The following NDUFV1 variants were observed in gnomAD, a reference collection of about 807,000 sequenced individuals.
NDUFV1 encodes the protein NADH dehydrogenase [ubiquinone] flavoprotein 1, mitochondrial.
Under a neutral mutation model 48.7 loss-of-function variants are expected in NDUFV1, and 41 were observed. The ratio of observed to expected loss-of-function variants is 0.84; its 90% CI spans 0.66 to 1.09. The LOEUF (loss-of-function observed/expected upper bound fraction) is 1.09. NDUFV1 is among the 50% of genes least tolerant of loss of function. The pLI, the probability that NDUFV1 is intolerant of heterozygous loss-of-function variation, is 0.00. For synonymous variants in NDUFV1, 231 were observed against 259.1 expected, an observed-to-expected ratio of 0.89 and a Z score of 1.04; for missense variants, 580 against 645.4, an observed-to-expected ratio of 0.90 and a Z score of 1.10.
Position 67,611,578 on chromosome 11 carries a change from T to G in NDUFV1, c.1080+9T>G. On this transcript the variant is annotated intron_variant, in intron 7 of 9. Coordinates refer to ENST00000322776, the MANE Select transcript of NDUFV1 (RefSeq NM_007103.4). The surrounding 1 kb of genome is among the most constrained non-coding windows in gnomAD (Gnocchi z 4.2). ...TCGTCATGGACCGCTCGGTAAGGGTTCACACACCAGCCCTGGTCCCTGCCC... is the reference window on the plus strand; with the variant it reads ...TCGTCATGGACCGCTCGGTAAGGGTGCACACACCAGCCCTGGTCCCTGCCC... 4 of 1,598,266 alleles carry G rather than the reference T, an allele frequency of 2.5e-6. No homozygotes were observed. Among genetic ancestry groups the G allele is most frequent in the Non-Finnish European group, 3.4e-6 (4 of 1,172,342 alleles).
rs764547582 is a variant in NDUFV1, at chr11:67,607,073, C to T, written c.69C>T (p.Asp23=). 24 of 1,606,152 alleles carry T rather than the reference C, an allele frequency of 1.5e-5. No individual in the cohort carries two copies. The highest frequency in any genetic ancestry group is 2.0e-5 in the Non-Finnish European group (24 of 1,178,960). Residue 23 remains aspartate, a synonymous_variant, in exon 1 of 10, where the codon GAC becomes GAT. Transcript: ENST00000322776. ...GGGTATCTGTGCGTTTCAGCGGCGACACGGTGAGGCCCAGCCTGGCTGGGG... is the reference window on the plus strand; with the variant it reads ...GGGTATCTGTGCGTTTCAGCGGCGATACGGTGAGGCCCAGCCTGGCTGGGG... ...PARVSVRFSG[D]TTAPKKTSFG...
Sources: gnomAD v4.1 joint callset for allele counts on GRCh38, gnomAD v4.1.1 for gene constraint, Gnocchi (gnomAD v3.1) non-coding constraint, MANE v1.5 for transcripts, NCBI Gene and HGNC (gene_info 2026-07-23, HGNC 2026-07-21) for gene names.